Variants in SHPRH observed in about 807,000 individuals in gnomAD.
SHPRH encodes SNF2 histone linker PHD RING helicase, also known as E3 ubiquitin-protein ligase SHPRH.
In SHPRH, 106 loss-of-function variants were observed where a neutral mutation model predicts 202.5. The ratio of observed to expected loss-of-function variants is 0.52; its 90% CI spans 0.45 to 0.62. The LOEUF (loss-of-function observed/expected upper bound fraction) is 0.62, where lower values mean the gene tolerates loss of function less well. Ranked by LOEUF, SHPRH falls within the 20% of genes least tolerant of loss-of-function variation. The pLI is 0.00. For synonymous variants in SHPRH, 729 were observed against 686.0 expected (o/e 1.06, Z -0.98); for missense variants, 1,710 against 2,020.0 (o/e 0.85, Z 2.94).
At chr6:145,935,626 C>T (rs1452750630) in intron 11 of SHPRH, 185 bp from the exon 12 acceptor site, 2 of 608,860 alleles carry the variant, frequency 3.3e-6, no homozygotes, top group East Asian at 2.8e-5. Flanking sequence ...TCTATTCTGC[C>T]CTAGGTTTTG....
At chr6:145,943,970 G>T (rs1210996847) in intron 8 of SHPRH, among the ~76,000 whole-genome samples, 168 bp from the exon 9 acceptor site, 3 of 152,042 alleles carry the variant, frequency 2.0e-5, no homozygotes, top group Non-Finnish European at 4.4e-5. Context: ...CCCTCTGTAA[G>T]GACCCTCACT....
rs565567187 is a variant in SHPRH, at chr6:145,872,879, C to T, written c.222-8388G>A. On this transcript the variant is annotated intron_variant, in intron 2 of 2. Coordinates refer to the SHPRH transcript ENST00000417762. ...TAAAAAGGAATCAGGTCATGTGCTT[C>T]GCAGGGACATGGATGGAGCTGGAGG... Among the ~76,000 whole-genome samples, 6 of 152,226 alleles carry T rather than the reference C, an allele frequency of 3.9e-5. No individual in the cohort carries two copies. The East Asian group carries it at 5.8e-4, about 15-fold the overall frequency.
downstream of SHPRH, among the ~76,000 whole-genome samples, chr6:145,862,156 G>T (rs1448579459): frequency 6.6e-6 from 1 of 152,112 alleles, no homozygotes; most frequent in Non-Finnish European, 1.5e-5. Context: ...TAGAGCTTGT[G>T]TTAAATGCTC....
chr6:145,919,497 G>C lies in SHPRH; in HGVS notation c.4009-6C>G. The C allele has an allele frequency of 1.2e-6, 2 of 1,611,276 alleles. No homozygotes were observed. The highest frequency in any genetic ancestry group is 1.7e-6 in the Non-Finnish European group (2 of 1,178,504). On this transcript the variant is annotated splice_polypyrimidine_tract_variant and splice_region_variant and intron_variant, in intron 21 of 29. Transcript: ENST00000275233. The stretch of plus-strand genomic sequence containing the variant: ...ATCCAATATTCATGAAGCAACTGAA[G>C]GAATAGAAAAGACAAACACAGTGGT...
chr6:145,865,913 G>A (rs1273061415), intron 2 of SHPRH, among the ~76,000 whole-genome samples: 7 of 152,222 alleles, frequency 4.6e-5, no homozygotes, highest in Non-Finnish European at 8.8e-5. Flanking sequence ...CTAGGACAAT[G>A]TGGTAGAGTG....
intron 25 of SHPRH, among the ~76,000 whole-genome samples, chr6:145,901,115 G>A (rs2128724003): frequency 6.6e-6 from 1 of 152,078 alleles, no homozygotes; most frequent in East Asian, 1.9e-4. Flanking sequence ...TCATTTGACA[G>A]TTAACAAAGA....
intron 28 of SHPRH, among the ~76,000 whole-genome samples, chr6:145,889,368 A>G (rs1179060217): frequency 2.0e-5 from 3 of 152,164 alleles, no homozygotes; most frequent in Non-Finnish European, 4.4e-5. Context: ...AGATGGAGGT[A>G]GGATGTATCA....
intron 5 of SHPRH, 100 bp downstream of exon 5, chr6:145,948,172 C>T (rs1787592420): frequency 2.5e-6 from 2 of 799,616 alleles, no homozygotes; most frequent in Admixed American, 5.4e-5. Flanking sequence ...TTGATTCCTT[C>T]ATGAGGTAGA....
chr6:145,934,835 T>C, intron 13 of SHPRH, 72 bp downstream of exon 13: 1 of 1,436,818 alleles, frequency 7.0e-7, no homozygotes, highest in Non-Finnish European at 9.4e-7. Flanking sequence ...TGTCTCTGAA[T>C]GAAACCGTGG....
At chr6:145,914,729 G>T (rs890355088) in intron 23 of SHPRH, among the ~76,000 whole-genome samples, 1 of 152,046 alleles carries the variant, frequency 6.6e-6, no homozygotes, top group Non-Finnish European at 1.5e-5. Flanking sequence ...TGACCCATGG[G>T]TTATTCAGAA....
In SHPRH at chr6:145,924,758, A is replaced by G; in HGVS notation, c.3383T>C (p.Ile1128Thr). 2 of 1,611,696 alleles carry G rather than the reference A, an allele frequency of 1.2e-6. No individual in the cohort carries two copies. Among genetic ancestry groups the G allele is most frequent in the South Asian group, 1.1e-5 (1 of 90,958 alleles). The change falls in exon 17 of 30, where the codon ATC (isoleucine) becomes ACC (threonine). Residue 1128 changes from isoleucine (I) to threonine (T), a missense_variant. Ile to Thr is a moderately conservative substitution (Grantham distance 89). Transcript: ENST00000275233. ...QQALYPVQQT[I>T]HELQRKIHSN... ...GCATACCTTTCTTTGAAGCTCATGG[A>G]TGGTCTGCTGCACAGGATATAAAGC...
intron 14 of SHPRH, among the ~76,000 whole-genome samples, chr6:145,929,363 G>A (rs971781506): frequency 6.6e-6 from 1 of 151,862 alleles, no homozygotes; most frequent in Non-Finnish European, 1.5e-5. Context: ...TACCAGTCAA[G>A]GAGAATCTCA....
At chr6:145,953,115 T>A (rs895653809) in intron 2 of SHPRH, among the ~76,000 whole-genome samples, 3 of 152,124 alleles carry the variant, frequency 2.0e-5, no homozygotes, top group East Asian at 3.9e-4. Flanking sequence ...ATAATATAAC[T>A]ATAAAAGTTT....
At chr6:145,869,906 T>C (rs1384115111) in intron 2 of SHPRH, among the ~76,000 whole-genome samples, 1 of 151,932 alleles carries the variant, frequency 6.6e-6, no homozygotes, top group Non-Finnish European at 1.5e-5. Context: ...TACTAGGGAT[T>C]ACGCTGAGCC....
chr6:145,891,039 C>A (rs1488876143), intron 28 of SHPRH, among the ~76,000 whole-genome samples: 1 of 152,092 alleles, frequency 6.6e-6, no homozygotes, highest in African/African-American at 2.4e-5. Flanking sequence ...CCCTTCACTC[C>A]CACCCTATCA....
At chr6:145,869,468 C>T (rs1263140200) in intron 2 of SHPRH, among the ~76,000 whole-genome samples, 1 of 152,108 alleles carries the variant, frequency 6.6e-6, no homozygotes, top group Admixed American at 6.5e-5. Context: ...TGTTATAATT[C>T]TGCATTTTAA....
rs543853093 is a variant in SHPRH, at chr6:145,871,294, T to A, written c.222-6803A>T. 3 of 152,278 alleles carry A rather than the reference T, an allele frequency of 2.0e-5. No homozygotes were observed. The South Asian group carries it at 6.2e-4, about 32-fold the overall frequency. 9.4% of individuals were successfully genotyped at this position (152,278 alleles called of 1,614,324 possible). On this transcript the variant is annotated intron_variant, in intron 2 of 2. Coordinates refer to the SHPRH transcript ENST00000417762. ...TTTTTTTGCAGGTGACATAATCCTA[T>A]ATCTAGAAAACCCATTGTCTCAACC...
chr6:145,929,668 G>A (rs547400669), intron 14 of SHPRH, among the ~76,000 whole-genome samples: 29 of 152,010 alleles, frequency 1.9e-4, no homozygotes, highest in South Asian at 6.2e-4. Context: ...TTCTGGTGGC[G>A]GATTTCTCTT....
intron 2 of SHPRH, among the ~76,000 whole-genome samples, chr6:145,876,098 A>G (rs1302893832): frequency 6.6e-6 from 1 of 152,240 alleles, no homozygotes; most frequent in Non-Finnish European, 1.5e-5. Context: ...CTATCACTAC[A>G]GTCTAAATTT....
Sources: allele counts gnomAD v4.1 joint callset (sites outside exome capture counted in the v4.1 genomes callset), GRCh38; gene constraint gnomAD v4.1.1; transcripts MANE v1.5; gene names NCBI Gene and HGNC (gene_info 2026-07-23, HGNC 2026-07-21).